The following ODAD2 variants were observed in gnomAD, a reference collection of about 807,000 sequenced individuals.
ODAD2 encodes the protein outer dynein arm-docking complex subunit 2.
A neutral mutation model predicts 106.8 loss-of-function variants in ODAD2; 89 were observed. The ratio of observed to expected loss-of-function variants is 0.83; its 90% CI spans 0.70 to 0.99. The LOEUF (loss-of-function observed/expected upper bound fraction) is 0.99. Ranked by LOEUF, ODAD2 falls within the 50% of genes least tolerant of loss-of-function variation. The pLI is 0.00. For synonymous variants in ODAD2, 404 were observed against 436.2 expected (o/e 0.93, Z 0.92); for missense variants, 1,168 against 1,238.5 (o/e 0.94, Z 0.85).
chr10:27,816,281 T>C (rs1836128826), intron 19 of ODAD2, among the ~76,000 whole-genome samples: 1 of 152,182 alleles, frequency 6.6e-6, no homozygotes, highest in African/African-American at 2.4e-5. Context: ...AGATACAATG[T>C]TTTTGAGAAA....
At chr10:27,923,942 T>TAAAGAAAGAAAG (rs1844972067) in intron 16 of ODAD2, among the ~76,000 whole-genome samples, 1 of 76,688 alleles carries the variant, frequency 1.3e-5, no homozygotes, top group Non-Finnish European at 2.6e-5. Flanking sequence ...AGACCCTGTC[T>TAAAGAAAGAAAG]AATGAAAGAA....
chr10:27,906,495 C>A (rs1410315262), intron 17 of ODAD2, among the ~76,000 whole-genome samples: 2 of 152,096 alleles, frequency 1.3e-5, no homozygotes, highest in Admixed American at 6.6e-5. Context: ...ATTTTACCTG[C>A]CAATCCCATT....
At chr10:27,987,250 A>C (rs528361881) in intron 3 of ODAD2, 136 bp downstream of exon 3, 2 of 696,812 alleles carry the variant, frequency 2.9e-6, no homozygotes, top group Non-Finnish European at 4.6e-6. Context: ...ATGAAGTTGT[A>C]CATTTGACTT....
At chr10:27,988,830 C>T (rs1198170492) in intron 2 of ODAD2, among the ~76,000 whole-genome samples, 1 of 152,076 alleles carries the variant, frequency 6.6e-6, no homozygotes, top group African/African-American at 2.4e-5. Context: ...GAACATGTCA[C>T]CTTACATGGC....
intron 2 of ODAD2, among the ~76,000 whole-genome samples, chr10:27,992,414 C>T (rs904948498): frequency 6.6e-6 from 1 of 152,152 alleles, no homozygotes; most frequent in Non-Finnish European, 1.5e-5. Flanking sequence ...CAGAGCTGGG[C>T]ACAGCAGCTC....
At chr10:27,896,338 T>C (rs1243686885) in intron 17 of ODAD2, among the ~76,000 whole-genome samples, 2 of 152,228 alleles carry the variant, frequency 1.3e-5, no homozygotes, top group East Asian at 1.9e-4. Context: ...ATTTTTTAAA[T>C]TCATATCAAG....
At chr10:27,987,318 C>T (rs2133158856) in intron 3 of ODAD2, 68 bp downstream of exon 3, 3 of 1,458,152 alleles carry the variant, frequency 2.1e-6, no homozygotes, top group Non-Finnish European at 2.8e-6. Context: ...ATCCTCCCAC[C>T]CTTTCCCCAC....
chr10:27,950,659 T>G (rs973470568), intron 10 of ODAD2, among the ~76,000 whole-genome samples: 2 of 151,888 alleles, frequency 1.3e-5, no homozygotes, highest in African/African-American at 4.8e-5. Context: ...TGATCTCGGC[T>G]CACTGCAACC....
At chr10:27,813,062 G>C (rs908522577) in intron 19 of ODAD2, among the ~76,000 whole-genome samples, 1 of 152,162 alleles carries the variant, frequency 6.6e-6, no homozygotes, top group African/African-American at 2.4e-5. Flanking sequence ...GGGACTCTCA[G>C]TGCCAACTAA....
Position 27,985,005 on chromosome 10 carries a change from T to A in ODAD2, c.575+14A>T. Reference sequence around the variant, plus strand: ...GCTCAATACAATAGAGGTTCCTTTTTGAAAAAGACTCACAATGAAATATGT... The same window carrying A: ...GCTCAATACAATAGAGGTTCCTTTTAGAAAAAGACTCACAATGAAATATGT... On this transcript the variant is annotated intron_variant, in intron 4 of 19. Coordinates refer to ENST00000305242, the MANE Select transcript of ODAD2 (RefSeq NM_018076.5). The A allele has an allele frequency of 6.3e-7, 1 of 1,599,762 alleles. No homozygotes were observed. Among genetic ancestry groups the A allele is most frequent in the Non-Finnish European group, 8.5e-7 (1 of 1,174,004 alleles).
chr10:27,987,577 T>C (rs759611236), intron 2 of ODAD2, 34 bp from the exon 3 acceptor site: 4 of 1,535,738 alleles, frequency 2.6e-6, no homozygotes, highest in Non-Finnish European at 3.6e-6. Flanking sequence ...GAAAGCTTCA[T>C]GCTACCTAGA....
intron 7 of ODAD2, among the ~76,000 whole-genome samples, chr10:27,980,553 A>C (rs115264203): frequency 0.014 from 2,072 of 152,304 alleles, 53 homozygotes; most frequent in African/African-American, 0.047. Context: ...ACAGATAACC[A>C]ACAAATATAT....
chr10:27,995,172 G>C lies in ODAD2; in HGVS notation c.-30C>G. The C allele has an allele frequency of 6.2e-7, 1 of 1,613,214 alleles. No homozygotes were observed. Among genetic ancestry groups the C allele is most frequent in the Non-Finnish European group, 8.5e-7 (1 of 1,179,498 alleles). On this transcript the variant is annotated 5_prime_UTR_variant, in exon 2 of 20. Coordinates refer to ENST00000305242, the MANE Select transcript of ODAD2 (RefSeq NM_018076.5). ...TCCACCGTGCTCAGACCTGAGCTTA[G>C]CACACGCACTACATCAGAGCAGAAA...
At chr10:27,862,747 A>G (rs1840144540) in intron 17 of ODAD2, 125 bp from the exon 18 acceptor site, 2 of 547,470 alleles carry the variant, frequency 3.7e-6, no homozygotes, top group Non-Finnish European at 6.2e-6. Flanking sequence ...CTTCAACTTA[A>G]TTTATTTCTA....
intron 17 of ODAD2, among the ~76,000 whole-genome samples, chr10:27,877,938 T>C (rs947682234): frequency 6.6e-6 from 1 of 152,230 alleles, no homozygotes; most frequent in African/African-American, 2.4e-5. Context: ...TTGAGGTTCA[T>C]GTATAGTTAG....
chr10:27,985,147 A>T lies in ODAD2; in HGVS notation c.447T>A (p.Ile149=). The change falls in exon 4 of 20, where the codon ATT becomes ATA. Residue 149 remains isoleucine, a synonymous_variant. Coordinates refer to ENST00000305242, the MANE Select transcript of ODAD2 (RefSeq NM_018076.5). ...SDYNTMKENS[I]ALNILGKITR... is the part of the protein sequence containing the mutation. ...TAATTTTGCCAAGAATATTTAATGC[A>T]ATTGAGTTTTCTTTCATTGTATTAT... 1 of 1,596,112 alleles carries T rather than the reference A, an allele frequency of 6.3e-7. No homozygotes were observed. The highest frequency in any genetic ancestry group is 1.1e-5 in the South Asian group (1 of 89,230).
intron 6 of ODAD2, among the ~76,000 whole-genome samples, chr10:27,983,123 G>T (rs1849664628): frequency 6.6e-6 from 1 of 152,152 alleles, no homozygotes; most frequent in South Asian, 2.1e-4. Context: ...GCTTCCAGTA[G>T]CAACAGTTGG....
chr10:27,816,252 AT>A (rs1456888837), intron 19 of ODAD2, among the ~76,000 whole-genome samples: 1 of 152,248 alleles, frequency 6.6e-6, no homozygotes, highest in East Asian at 1.9e-4. Flanking sequence ...AATTGCCTAA[AT>A]TGTGAAATTC....
chr10:27,985,421 G>A (rs1849819354), intron 3 of ODAD2, among the ~76,000 whole-genome samples: 1 of 152,146 alleles, frequency 6.6e-6, no homozygotes, highest in Non-Finnish European at 1.5e-5. Context: ...GCTCTAGTTT[G>A]TATTGTAACA....
Sources: gnomAD v4.1 joint callset for allele counts (sites outside exome capture counted in the v4.1 genomes callset) on GRCh38, gnomAD v4.1.1 for gene constraint, MANE v1.5 for transcripts, NCBI Gene and HGNC (gene_info 2026-07-23, HGNC 2026-07-21) for gene names.